Variants in BCORL1 observed in about 807,000 individuals in gnomAD.
The protein encoded by BCORL1 is BCL6 corepressor like 1.
A neutral mutation model predicts 87.6 loss-of-function variants in BCORL1; 7 were observed. The ratio of observed to expected loss-of-function variants is 0.08; its 90% CI spans 0.05 to 0.15. BCORL1 has a LOEUF of 0.15. BCORL1 is among the 10% of genes least tolerant of loss of function. The pLI, the probability that BCORL1 is intolerant of heterozygous loss-of-function variation, is 1.00. For synonymous variants in BCORL1, 591 were observed against 634.4 expected (o/e 0.93, Z 1.03); for missense variants, 1,215 against 1,499.7 (o/e 0.81, Z 3.13).
At chrX:129,989,443 TC>T (rs1926906822) in intron 1 of BCORL1, among the ~76,000 whole-genome samples, 3 of 60,657 alleles carry the variant, frequency 4.9e-5, no homozygotes, top group African/African-American at 1.9e-4. Flanking sequence ...ACCGCACCCG[TC>T]TTTTTTTTTT....
In BCORL1 at chrX:130,022,972, A is replaced by G. The variant is rs1929959631; in HGVS notation, c.3683A>G (p.Gln1228Arg). Residue 1228 changes from glutamine (Q) to arginine (R), a missense_variant, in exon 6 of 14, where the codon CAG becomes CGG. Transcript: ENST00000540052. ...GTTCTGAGCACCCGCACGCGCAGTC[A>G]GTCTGGTGAGTGAGACTAAGGTGAT... Reference protein sequence around the residue: ...PVVLSTRTRSQSGSICSSFAG... With the variant: ...PVVLSTRTRSRSGSICSSFAG... The G allele has an allele frequency of 5.8e-6, 7 of 1,199,835 alleles. No homozygotes were observed. In the African/African-American group the frequency reaches 7.0e-5, roughly 12 times the overall value.
In BCORL1 at chrX:130,016,074, G is replaced by A. The variant is rs773144994; in HGVS notation, c.3302G>A (p.Cys1101Tyr). 1.6e-5 allele frequency: 19 copies of A among 1,209,722 alleles called. No homozygotes were observed. Among genetic ancestry groups the A allele is most frequent in the Non-Finnish European group, 2.1e-5 (19 of 895,261 alleles). The change falls in exon 4 of 14, where the codon TGC (cysteine) becomes TAC (tyrosine). Residue 1101 changes from cysteine to tyrosine, a missense_variant. Cys to Tyr is a radical substitution (Grantham distance 194). Around this residue, in one of 5 missense-constraint regions of BCORL1, gnomAD observed 861 missense variants for 1,010.0 expected, o/e 0.85. Transcript: ENST00000540052. ...VKQESVGVFA[C>Y]KNKWQPDDVT... ...CAGGAAAGCGTAGGGGTCTTTGCTT[G>A]CAAGAACAAGTGGCAGCCAGATGAT...
At chrX:129,989,443 T>C (rs1603061195) in intron 1 of BCORL1, among the ~76,000 whole-genome samples, 1 of 60,664 alleles carries the variant, frequency 1.6e-5, no homozygotes, top group African/African-American at 6.4e-5. Flanking sequence ...ACCGCACCCG[T>C]CTTTTTTTTT....
chrX:130,017,707 T>C (rs185457362), intron 4 of BCORL1, among the ~76,000 whole-genome samples: 4 of 108,752 alleles, frequency 3.7e-5, no homozygotes, highest in African/African-American at 1.3e-4. Context: ...AGTGGCTCGA[T>C]CACAGCTCAT....
intron 2 of BCORL1, among the ~76,000 whole-genome samples, chrX:130,008,814 A>G (rs1365718231): frequency 1.8e-5 from 2 of 112,185 alleles, no homozygotes; most frequent in African/African-American, 6.5e-5. Flanking sequence ...TGGCAGCTGC[A>G]ATTGAGGACT....
At position 130,025,323 on chromosome X, in the gene BCORL1, A is replaced by G. The variant is rs1417630507; in HGVS notation, c.4022A>G (p.Gln1341Arg). The change falls in exon 7 of 14, where the codon CAG becomes CGG. Residue 1341 changes from glutamine (Q) to arginine (R), a missense_variant. By Grantham distance (43) the Gln-to-Arg change is conservative (BLOSUM62 1). Coordinates refer to ENST00000540052, the MANE Select transcript of BCORL1 (RefSeq NM_001379451.1). ...AGACGGCAGAAGAGCCGAAAATATC[A>G]GACTGGGGAGTACCTGACAGAGCAA... ...KRRRQKSRKY[Q>R]TGEYLTEQED... 2 of 1,185,455 alleles carry G rather than the reference A, an allele frequency of 1.7e-6. No homozygotes were observed. Among genetic ancestry groups the G allele is most frequent in the Non-Finnish European group, 2.3e-6 (2 of 883,358 alleles).
At chrX:130,001,712 G>A (rs1928064151) in intron 1 of BCORL1, among the ~76,000 whole-genome samples, 1 of 109,970 alleles carries the variant, frequency 9.1e-6, no homozygotes, top group African/African-American at 3.3e-5. Context: ...TGGGGGTGGT[G>A]AGAGTGGTGG....
chrX:130,030,760 G>A (rs760735706), intron 8 of BCORL1, among the ~76,000 whole-genome samples: 6 of 109,287 alleles, frequency 5.5e-5, no homozygotes, highest in African/African-American at 2.0e-4. Flanking sequence ...GGTAACCAGC[G>A]CTCGAGATTC....
chrX:129,996,867 C>G (rs973328583), intron 1 of BCORL1, among the ~76,000 whole-genome samples: 15 of 111,252 alleles, frequency 1.3e-4, no homozygotes, highest in African/African-American at 4.9e-4. Context: ...AGTCCTCCTG[C>G]CTCAGCCTCC....
rs1340097100 is a variant in BCORL1, at chrX:130,025,337, C to T, written c.4036C>T (p.Leu1346=). 1 of 1,164,298 alleles carries T rather than the reference C, an allele frequency of 8.6e-7. No homozygotes were observed. ...KSRKYQTGEY[L]TEQEDEQRRK... ...CCGAAAATATCAGACTGGGGAGTAC[C>T]TGACAGAGCAAGAAGACGAGCAGCG... Residue 1346 remains leucine (L), a synonymous_variant, in exon 7 of 14, where the codon CTG becomes TTG. Transcript: ENST00000540052.
intron 11 of BCORL1, among the ~76,000 whole-genome samples, chrX:130,046,457 A>ACGCCTC (rs934042144): frequency 5.6e-5 from 6 of 107,873 alleles, no homozygotes; most frequent in Middle Eastern, 4.8e-3. Context: ...TGGCTCACTG[A>ACGCCTC]CGCCTCCGCC....
At chrX:129,985,844 A>G (rs2124301618) in intron 1 of BCORL1, among the ~76,000 whole-genome samples, 1 of 110,064 alleles carries the variant, frequency 9.1e-6, no homozygotes, top group South Asian at 3.8e-4. Context: ...AAGGGTGGTT[A>G]GGTTTCTTTT....
intron 12 of BCORL1, among the ~76,000 whole-genome samples, chrX:130,051,561 C>G (rs1932073069): frequency 8.9e-6 from 1 of 112,820 alleles, no homozygotes; most frequent in Non-Finnish European, 1.9e-5. Flanking sequence ...AGGCTTCCAT[C>G]TCCCAACAGC....
chrX:129,984,443 G>A (rs1240340241), intron 1 of BCORL1, among the ~76,000 whole-genome samples: 4 of 111,242 alleles, frequency 3.6e-5, no homozygotes, highest in Non-Finnish European at 3.8e-5. Flanking sequence ...CTGGGAGAAG[G>A]AAGGGGGGTG....
rs148196492 is a variant in BCORL1 at position 130,054,078 on chromosome X, C to A, written c.5076-1776C>A. On this transcript the variant is annotated intron_variant, in intron 13 of 13. Coordinates refer to ENST00000540052, the MANE Select transcript of BCORL1 (RefSeq NM_001379451.1). ...TCTTAAACAGCTGCACCAGGTCAAA[C>A]CCTGGGGACCTTCAAAGAATCCACC... is the stretch of plus-strand genomic sequence containing the variant. Among the ~76,000 whole-genome samples, 990 of 112,022 alleles carry A rather than the reference C, an allele frequency of 8.8e-3. 8 individuals are homozygous for A. The highest frequency in any genetic ancestry group is 0.03 in the African/African-American group (924 of 30,806).
chrX:130,015,775 G>A lies in BCORL1; in HGVS notation c.3003G>A (p.Gln1001=). ...ATGAGCTGGTCCTGGCCACCCCCCA[G>A]AACCTGCCTAAGATGCCTGAGCTGC... ...MSHELVLATP[Q]NLPKMPELPL... is the part of the protein sequence containing the mutation. The change falls in exon 4 of 14, where the codon CAG becomes CAA. Residue 1001 remains glutamine (Q), a synonymous_variant. Transcript: ENST00000540052. 8.3e-7 allele frequency: 1 copy of A among 1,211,911 alleles called. No individual in the cohort carries two copies. Among genetic ancestry groups the A allele is most frequent in the Non-Finnish European group, 1.1e-6 (1 of 895,574 alleles).
rs539635315 is a variant in BCORL1 at position 130,049,564 on chromosome X, C to T, written c.4841-1153C>T. Among the ~76,000 whole-genome samples the T allele has an allele frequency of 3.6e-5, 4 of 112,146 alleles. No individual in the cohort carries two copies. In the Admixed American group the frequency reaches 3.8e-4, roughly 11 times the overall value. On this transcript the variant is annotated intron_variant, in intron 11 of 13. Coordinates refer to ENST00000540052, the MANE Select transcript of BCORL1 (RefSeq NM_001379451.1). ...TAGAGACTGGATTTCGCCATTTTGGCCATGGCTGGTTTCAACCTCCTGACC... is the reference window on the plus strand; with the variant it reads ...TAGAGACTGGATTTCGCCATTTTGGTCATGGCTGGTTTCAACCTCCTGACC...
At chrX:129,988,464 T>A (rs5977185) in intron 1 of BCORL1, among the ~76,000 whole-genome samples, 4,921 of 105,926 alleles carry the variant, frequency 0.046, 265 homozygotes, top group African/African-American at 0.15. Flanking sequence ...ATCTTTTTTT[T>A]AAAAAAAAAA....
At chrX:129,989,369 A>G (rs1306818556) in intron 1 of BCORL1, among the ~76,000 whole-genome samples, 2 of 87,629 alleles carry the variant, frequency 2.3e-5, no homozygotes, top group Non-Finnish European at 4.3e-5. Context: ...GATGGTCTCA[A>G]TCTCCTGAGC....
Sources: allele counts gnomAD v4.1 joint callset (sites outside exome capture counted in the v4.1 genomes callset), GRCh38; gene constraint gnomAD v4.1.1; regional missense constraint gnomAD v4.1.1; transcripts MANE v1.5; gene names NCBI Gene and HGNC (gene_info 2026-07-23, HGNC 2026-07-21).